The following ZNF362 variants were observed in gnomAD, a reference collection of about 807,000 sequenced individuals.
ZNF362 encodes rotund homolog.
In ZNF362, 11 loss-of-function variants were observed where a neutral mutation model predicts 42.9. The observed-to-expected ratio is 0.26, with a 90% CI of 0.16 to 0.42. The LOEUF is 0.42. ZNF362 is among the 20% of genes least tolerant of loss of function. The probability of loss-of-function intolerance (pLI) is 1.00; values close to 1 mark genes in which losing one functional copy is unlikely to be tolerated. For synonymous variants in ZNF362, 255 were observed against 257.3 expected, an observed-to-expected ratio of 0.99 and a Z score of 0.09; for missense variants, 362 against 576.2, an observed-to-expected ratio of 0.63 and a Z score of 3.81.
the ZNF362 span, chr1:33,165,099 T>G: frequency 5.9e-6 from 1 of 168,080 alleles, no homozygotes; most frequent in Admixed American, 6.4e-5. This position sits in a 1 kb window ranked among gnomAD's most constrained non-coding sequence, Gnocchi z 4.0. Context: ...GGTTGGGCGG[T>G]TTTAATAAGG....
At chr1:33,158,574 T>TGCTA in the ZNF362 span, among the ~76,000 whole-genome samples, 24 of 152,238 alleles carry the variant, frequency 1.6e-4, no homozygotes, top group African/African-American at 5.8e-4. Flanking sequence ...ATGGGTGCTA[T>TGCTA]GCTAGCATCA....
intron 6 of ZNF362, among the ~76,000 whole-genome samples, chr1:33,292,651 C>T (rs950400101): frequency 1.3e-5 from 2 of 152,194 alleles, no homozygotes; most frequent in East Asian, 3.8e-4. Flanking sequence ...ATGGTACCAG[C>T]TCCTCCTTGT....
the ZNF362 span, among the ~76,000 whole-genome samples, chr1:33,194,433 A>C: frequency 1.4e-5 from 2 of 147,806 alleles, no homozygotes; most frequent in African/African-American, 2.5e-5. Context: ...GCTACTTGGG[A>C]GGCTGAGGTG....
chr1:33,199,006 A>G, the ZNF362 span, among the ~76,000 whole-genome samples: 650 of 152,336 alleles, frequency 4.3e-3, 6 homozygotes, highest in African/African-American at 0.015. Flanking sequence ...GAAAAAAGAC[A>G]AAAACAAATA....
the ZNF362 span, among the ~76,000 whole-genome samples, chr1:33,243,108 ATTATGTTATG>A: frequency 0.034 from 4,921 of 144,522 alleles, 90 homozygotes; most frequent in African/African-American, 0.059. Context: ...CACAACTGTT[ATTATGTTATG>A]TTATGTTATG....
At chr1:33,185,072 C>T in the ZNF362 span, among the ~76,000 whole-genome samples, 13 of 152,086 alleles carry the variant, frequency 8.5e-5, no homozygotes, top group South Asian at 1.5e-3. Context: ...TGAGCCACTG[C>T]GCCCAGCCAA....
At chr1:33,140,912 A>C in the ZNF362 span, among the ~76,000 whole-genome samples, 4 of 152,160 alleles carry the variant, frequency 2.6e-5, no homozygotes, top group Admixed American at 2.6e-4. The surrounding 1 kb of genome is among the most constrained non-coding windows in gnomAD (Gnocchi z 4.0). Context: ...CCCAGGGGGT[A>C]GGAGGAGACA....
At chr1:33,252,033 A>G (rs1256591069), upstream of ZNF362, among the ~76,000 whole-genome samples, 3 of 152,130 alleles carry the variant, frequency 2.0e-5, no homozygotes, top group African/African-American at 7.2e-5. Context: ...AGGCAGAAGC[A>G]GTGAAAAATC....
the ZNF362 span, chr1:33,181,431 A>C: frequency 6.3e-7 from 1 of 1,593,864 alleles, no homozygotes; most frequent in Admixed American, 1.7e-5. This position sits in a 1 kb window ranked among gnomAD's most constrained non-coding sequence, Gnocchi z 6.5. Context: ...GCTGCACGCC[A>C]TGGCGCCAGG....
intron 2 of ZNF362, 43 bp downstream of exon 2, chr1:33,270,655 T>C: frequency 6.2e-7 from 1 of 1,602,954 alleles, no homozygotes; most frequent in Non-Finnish European, 8.5e-7. Context: ...TCAATGAGGG[T>C]TTGTTCTTTG....
chr1:33,288,931 T>G (rs780489745), intron 6 of ZNF362, among the ~76,000 whole-genome samples: 1 of 152,044 alleles, frequency 6.6e-6, no homozygotes, highest in Non-Finnish European at 1.5e-5. Context: ...AAGAGCTTTG[T>G]GGCTAAAAGA....
the ZNF362 span, among the ~76,000 whole-genome samples, chr1:33,199,123 C>T: frequency 2.0e-4 from 31 of 152,058 alleles, 1 homozygote; most frequent in East Asian, 1.3e-3. Context: ...GAAGAAACAT[C>T]TGAAAAATTT....
the ZNF362 span, among the ~76,000 whole-genome samples, chr1:33,130,549 T>G: frequency 2.0e-5 from 3 of 152,124 alleles, no homozygotes; most frequent in Admixed American, 6.5e-5. Context: ...AGCTTGAAAG[T>G]AGATCCTCCC....
the ZNF362 span, among the ~76,000 whole-genome samples, chr1:33,209,464 T>G: frequency 6.6e-6 from 1 of 152,236 alleles, no homozygotes; most frequent in Non-Finnish European, 1.5e-5. Flanking sequence ...GATTCTCTCT[T>G]TTTCTATTGA....
In ZNF362 at chr1:33,299,758, C is replaced by T. The variant is rs913902286; in HGVS notation, c.*712C>T. 2 of 147,570 alleles carry T rather than the reference C, an allele frequency of 1.4e-5. No homozygotes were observed. Among genetic ancestry groups the T allele is most frequent in the African/African-American group, 4.9e-5 (2 of 40,492 alleles). The allele number at this position is 147,570 out of a possible 1,614,324, so 9.1% of individuals were successfully genotyped here. The stretch of plus-strand genomic sequence containing the variant: ...CCCAGGGAAATGGGGTGGGGATGGG[C>T]TGGGTAAGACCTGGCCCTCCCCTGC... On this transcript the variant is annotated 3_prime_UTR_variant, in exon 9 of 9. Coordinates refer to ENST00000539719, the MANE Select transcript of ZNF362 (RefSeq NM_152493.3).
the ZNF362 span, among the ~76,000 whole-genome samples, chr1:33,229,525 G>A: frequency 6.6e-6 from 1 of 151,426 alleles, no homozygotes; most frequent in Non-Finnish European, 1.5e-5. Context: ...TCCTGCCTCA[G>A]CCTCCTGAGT....
At chr1:33,239,696 A>C in the ZNF362 span, among the ~76,000 whole-genome samples, 1 of 152,162 alleles carries the variant, frequency 6.6e-6, no homozygotes, top group Non-Finnish European at 1.5e-5. Flanking sequence ...CGAGAACAGC[A>C]TGGGGGAACC....
the ZNF362 span, among the ~76,000 whole-genome samples, chr1:33,243,189 T>C: frequency 1.2e-3 from 183 of 151,594 alleles, 1 homozygote; most frequent in Middle Eastern, 0.031. Context: ...GGAGTCTTGC[T>C]CTGTTGCCCA....
At chr1:33,212,126 C>T in the ZNF362 span, among the ~76,000 whole-genome samples, 8 of 152,008 alleles carry the variant, frequency 5.3e-5, no homozygotes, top group Non-Finnish European at 1.2e-4. Context: ...TGTGTAGCAC[C>T]GCCGCCTTCT....
Sources: allele counts gnomAD v4.1 joint callset (sites outside exome capture counted in the v4.1 genomes callset), GRCh38; gene constraint gnomAD v4.1.1; non-coding constraint Gnocchi (gnomAD v3.1); transcripts MANE v1.5; gene names NCBI Gene and HGNC (gene_info 2026-07-23, HGNC 2026-07-21).